The following EFCAB5 variants were observed in gnomAD, a reference collection of about 807,000 sequenced individuals.
EFCAB5 encodes the protein EF-hand calcium-binding domain-containing protein 5.
In EFCAB5, 131 loss-of-function variants were observed where a neutral mutation model predicts 167.9. That is an observed-to-expected ratio of 0.78 (90% CI 0.68 to 0.90). EFCAB5 has a LOEUF of 0.90. Ranked by LOEUF, EFCAB5 falls within the 40% of genes least tolerant of loss-of-function variation. The pLI is 0.00. For synonymous variants in EFCAB5, 574 were observed against 602.8 expected (o/e 0.95, Z 0.70); for missense variants, 1,663 against 1,745.2 (o/e 0.95, Z 0.84).
At chr17:29,990,489 C>T (rs2068390680) in intron 4 of EFCAB5, among the ~76,000 whole-genome samples, 2 of 152,066 alleles carry the variant, frequency 1.3e-5, no homozygotes. Context: ...TTTGAATTTC[C>T]CCATTGTAAT....
At chr17:30,090,837 T>C (rs764491413) in intron 20 of EFCAB5, among the ~76,000 whole-genome samples, 163 bp downstream of exon 20, 1 of 152,190 alleles carries the variant, frequency 6.6e-6, no homozygotes, top group African/African-American at 2.4e-5. Flanking sequence ...TGACGAGTAA[T>C]GTCTACAAAT....
rs1346832424 is a variant in EFCAB5, at chr17:30,014,851, C to T, written c.1044+14875C>T. ...TTTGATCCTGTCATTATGATGTTAG[C>T]TGGTTATGTTGCCTGTTAGTTGATG... On this transcript the variant is annotated intron_variant, in intron 7 of 22. Transcript: ENST00000394835. Among the ~76,000 whole-genome samples, 5 of 152,242 alleles carry T rather than the reference C, an allele frequency of 3.3e-5. No individual in the cohort carries two copies. The East Asian group carries it at 9.6e-4, about 29-fold the overall frequency.
chr17:30,102,566 C>A (rs185486212), intron 22 of EFCAB5, among the ~76,000 whole-genome samples: 3 of 151,954 alleles, frequency 2.0e-5, no homozygotes, highest in African/African-American at 7.2e-5. Context: ...TTCTTTTCTT[C>A]TTTCTTTTCC....
At chr17:30,087,256 C>A in intron 19 of EFCAB5, 90 bp downstream of exon 19, 1 of 975,680 alleles carries the variant, frequency 1.0e-6, no homozygotes. Context: ...GACTCTTGCT[C>A]ATACACGCTG....
In EFCAB5 at chr17:29,933,289, T is replaced by C. The variant is rs150832197; in HGVS notation, c.-127+3960T>C. 3.1e-3 allele frequency among the ~76,000 whole-genome samples: 466 copies of C among 152,362 alleles called. 2 individuals carry two copies. Among genetic ancestry groups the C allele is most frequent in the Middle Eastern group, 6.8e-3 (2 of 294 alleles). On this transcript the variant is annotated intron_variant, in intron 1 of 3. Coordinates refer to the EFCAB5 transcript ENST00000448319. ...AAGGTCTGGGCAAATGTGCTCTTTA[T>C]GATATTGGCTTTCAGGCTTTGTCTG... is the stretch of plus-strand genomic sequence containing the variant.
At chr17:30,061,232 G>C (rs1225885555) in intron 14 of EFCAB5, among the ~76,000 whole-genome samples, 1 of 152,160 alleles carries the variant, frequency 6.6e-6, no homozygotes. Flanking sequence ...TATACAAAAC[G>C]ACTCTCAATA....
chr17:30,035,049 G>A (rs750258583), intron 8 of EFCAB5, among the ~76,000 whole-genome samples: 1 of 152,120 alleles, frequency 6.6e-6, no homozygotes, highest in Non-Finnish European at 1.5e-5. Flanking sequence ...TGCCACACTG[G>A]ACTGCAATTC....
At chr17:30,062,979 G>T (rs1178288994) in intron 14 of EFCAB5, among the ~76,000 whole-genome samples, 2 of 152,166 alleles carry the variant, frequency 1.3e-5, no homozygotes, top group Non-Finnish European at 2.9e-5. Flanking sequence ...GCAGCACATT[G>T]CCCTCTGGGA....
At chr17:29,956,615 C>T (rs2067621056) in intron 3 of EFCAB5, among the ~76,000 whole-genome samples, 3 of 152,160 alleles carry the variant, frequency 2.0e-5, no homozygotes, top group Admixed American at 2.0e-4. Flanking sequence ...AACCTTTAGG[C>T]CAAACTGAAA....
At chr17:30,074,822 T>G (rs1232863762) in intron 14 of EFCAB5, among the ~76,000 whole-genome samples, 2 of 152,150 alleles carry the variant, frequency 1.3e-5, no homozygotes, top group African/African-American at 4.8e-5. Context: ...GATCTTATAT[T>G]TTCCCTGCTT....
At chr17:30,093,035 T>A in intron 22 of EFCAB5, 99 bp downstream of exon 22, 1 of 843,036 alleles carries the variant, frequency 1.2e-6, no homozygotes, top group South Asian at 1.9e-5. Context: ...TAAATTCAGT[T>A]TTTAGGAGAA....
intron 14 of EFCAB5, among the ~76,000 whole-genome samples, chr17:30,067,729 A>G (rs4465649): frequency 0.61 from 92,924 of 152,036 alleles, 30,357 homozygotes; most frequent in African/African-American, 0.85. Flanking sequence ...ACATCATACT[A>G]AATGGGCAAA....
At chr17:30,101,859 A>T (rs2071387030) in intron 22 of EFCAB5, among the ~76,000 whole-genome samples, 1 of 152,228 alleles carries the variant, frequency 6.6e-6, no homozygotes, top group South Asian at 2.1e-4. Context: ...AGAATTCCTG[A>T]AACAATGTCC....
At chr17:30,024,967 A>G (rs2069278642) in intron 7 of EFCAB5, among the ~76,000 whole-genome samples, 1 of 151,442 alleles carries the variant, frequency 6.6e-6, no homozygotes, top group Non-Finnish European at 1.5e-5. Context: ...GTGCTGGGAA[A>G]ACTGGCTAGC....
At chr17:30,009,892 G>C (rs1353037692) in intron 7 of EFCAB5, among the ~76,000 whole-genome samples, 1 of 151,752 alleles carries the variant, frequency 6.6e-6, no homozygotes, top group Non-Finnish European at 1.5e-5. Flanking sequence ...TACATGTGCC[G>C]TGTTGGTTTG....
At chr17:30,075,897 A>G (rs2070858942) in intron 14 of EFCAB5, among the ~76,000 whole-genome samples, 1 of 152,238 alleles carries the variant, frequency 6.6e-6, no homozygotes, top group Non-Finnish European at 1.5e-5. Flanking sequence ...ATGAAAGGGG[A>G]AAAAGAAGAA....
At chr17:29,939,928 C>A (rs1293109728), upstream of EFCAB5, among the ~76,000 whole-genome samples, 2 of 152,196 alleles carry the variant, frequency 1.3e-5, no homozygotes, top group African/African-American at 4.8e-5. Flanking sequence ...TCTTACTAGT[C>A]TTTTACTATC....
intron 4 of EFCAB5, among the ~76,000 whole-genome samples, chr17:29,971,417 G>A (rs1189810379): frequency 6.6e-6 from 1 of 152,016 alleles, no homozygotes; most frequent in Non-Finnish European, 1.5e-5. Flanking sequence ...GGTGATATGG[G>A]CATCCTTGTC....
At chr17:29,976,743 A>G (rs895636097) in intron 4 of EFCAB5, among the ~76,000 whole-genome samples, 2 of 152,190 alleles carry the variant, frequency 1.3e-5, no homozygotes, top group Non-Finnish European at 2.9e-5. Flanking sequence ...ATGAGACTCT[A>G]TCTTCTTGTG....
Sources: gnomAD v4.1 joint callset for allele counts (sites outside exome capture counted in the v4.1 genomes callset) on GRCh38, gnomAD v4.1.1 for gene constraint, MANE v1.5 for transcripts, NCBI Gene and HGNC (gene_info 2026-07-23, HGNC 2026-07-21) for gene names.